Variants in NSD1 observed in about 807,000 individuals in gnomAD.
The protein encoded by NSD1 is nuclear receptor binding SET domain protein 1, also known as histone-lysine N-methyltransferase, H3 lysine-36 specific.
Under a neutral mutation model 242.7 loss-of-function variants are expected in NSD1, and 26 were observed. That is an observed-to-expected ratio of 0.11 (90% CI 0.08 to 0.15). NSD1 has a LOEUF of 0.15. Among genes scored for constraint, NSD1 ranks in the 10% least tolerant of loss-of-function variants. The pLI is 1.00. For missense variants in NSD1, 2,495 were observed against 3,272.8 expected, an observed-to-expected ratio of 0.76 and a Z score of 5.80; for synonymous variants, 1,106 against 1,178.1, an observed-to-expected ratio of 0.94 and a Z score of 1.25.
intron 9 of NSD1, among the ~76,000 whole-genome samples, chr5:177,245,961 A>AT (rs1173055368): frequency 7.4e-5 from 3 of 40,746 alleles, no homozygotes; most frequent in African/African-American, 2.4e-4. Flanking sequence ...TAATCCTTTT[A>AT]TTTTTTTTAT....
chr5:177,210,633 A>C lies in NSD1; in HGVS notation c.2234A>C (p.Asp745Ala), dbSNP rs771511701. The C allele has an allele frequency of 6.2e-7, 1 of 1,614,108 alleles. No homozygotes were observed. The highest frequency in any genetic ancestry group is 2.2e-5 in the East Asian group (1 of 44,884). ...ASTLVHKPQS[D>A]FTNDALSPKF... ...ACTCTTGTTCACAAACCCCAGTCAG[A>C]TTTTACAAATGATGCTCTCTCTCCA... Residue 745 changes from aspartate to alanine, a missense_variant, in exon 5 of 23, where the codon GAT (aspartate) becomes GCT (alanine). Physicochemically the swap from Asp to Ala is moderately radical, Grantham distance 126. Around this residue, in one of 19 missense-constraint regions of NSD1, gnomAD observed 515 missense variants for 467.0 expected, o/e 1.10. Coordinates refer to ENST00000439151, the MANE Select transcript of NSD1 (RefSeq NM_022455.5).
At chr5:177,163,673 GTGCCACA>G (rs1209802631) in intron 2 of NSD1, among the ~76,000 whole-genome samples, 2 of 152,058 alleles carry the variant, frequency 1.3e-5, no homozygotes, top group Non-Finnish European at 2.9e-5. Context: ...AATATATTCG[GTGCCACA>G]TGCCAGGCAG....
At chr5:177,260,583 A>G (rs568614731) in intron 14 of NSD1, among the ~76,000 whole-genome samples, 1 of 152,058 alleles carries the variant, frequency 6.6e-6, no homozygotes, top group Non-Finnish European at 1.5e-5. Flanking sequence ...CCTGCCCTCT[A>G]GTGATTTGCC....
chr5:177,234,498 C>G (rs1242976222), intron 5 of NSD1, among the ~76,000 whole-genome samples: 1 of 152,196 alleles, frequency 6.6e-6, no homozygotes, highest in Admixed American at 6.5e-5. Context: ...GGGCAGATCA[C>G]TTGAGGTCAG....
intron 5 of NSD1, among the ~76,000 whole-genome samples, chr5:177,222,167 C>T (rs1264959118): frequency 6.6e-6 from 1 of 151,966 alleles, no homozygotes; most frequent in African/African-American, 2.4e-5. Flanking sequence ...CTCACTCTGT[C>T]ACCCAGGCTG....
At chr5:177,141,319 CTTT>C (rs567992731) in intron 2 of NSD1, among the ~76,000 whole-genome samples, 2 of 97,034 alleles carry the variant, frequency 2.1e-5, no homozygotes, top group Admixed American at 1.1e-4. Context: ...CGCGCGCAGC[CTTT>C]TTTTTTTTTT....
intron 2 of NSD1, among the ~76,000 whole-genome samples, chr5:177,156,970 CTAAATAAA>C (rs34821534): frequency 4.0e-5 from 6 of 151,736 alleles, no homozygotes; most frequent in Admixed American, 2.0e-4. Context: ...GACTCTGTCT[CTAAATAAA>C]TAAATAAATA....
rs1383505988 is a variant in NSD1, at chr5:177,210,685, C to T, written c.2286C>T (p.Ser762=). 2 of 1,614,036 alleles carry T rather than the reference C, an allele frequency of 1.2e-6. No individual in the cohort carries two copies. Among genetic ancestry groups the T allele is most frequent in the Non-Finnish European group, 1.7e-6 (2 of 1,180,026 alleles). The change falls in exon 5 of 23, where the codon TCC becomes TCT. Residue 762 remains serine (S), a synonymous_variant. Coordinates refer to ENST00000439151, the MANE Select transcript of NSD1 (RefSeq NM_022455.5). ...SPKFNLSSSI[S]SENSLIKGGA... is the part of the protein sequence containing the mutation. ...AATTCAACCTGTCATCAAGCATATC[C>T]AGTGAGAACTCGTTAATAAAGGGTG... is the stretch of plus-strand genomic sequence containing the variant.
chr5:177,191,794 C>A, intron 2 of NSD1, 90 bp from the exon 3 acceptor site: 2 of 1,354,004 alleles, frequency 1.5e-6, no homozygotes, highest in Non-Finnish European at 2.1e-6. Context: ...ATTTTTCATA[C>A]ATTGCTTTTT....
chr5:177,176,291 C>T (rs1191759228), intron 2 of NSD1, among the ~76,000 whole-genome samples: 5 of 151,174 alleles, frequency 3.3e-5, no homozygotes, highest in East Asian at 2.0e-4. Context: ...TGGAGTTTCA[C>T]GCTTTTTGCC....
At chr5:177,265,517 ACCGTCTAG>A in intron 14 of NSD1, 1 of 716,992 alleles carries the variant, frequency 1.4e-6, no homozygotes, top group Non-Finnish European at 2.4e-6. Context: ...GAGCCCCACA[ACCGTCTAG>A]GAATGCTCAG....
rs762577876 is a variant in NSD1, at chr5:177,295,180, G to C, written c.7812G>C (p.Gly2604=). 6.2e-7 allele frequency: 1 copy of C among 1,614,216 alleles called. No individual in the cohort carries two copies. Among genetic ancestry groups the C allele is most frequent in the South Asian group, 1.1e-5 (1 of 91,086 alleles). ...GTGGGCAATCTTTTAGGTCTCTCGG[G>C]AAGGCCCCAGCCTCCCTCCCCACTG... ...AKSGQSFRSL[G]KAPASLPTEE... is the part of the protein sequence containing the mutation. Residue 2604 remains glycine, a synonymous_variant, in exon 23 of 23, where the codon GGG becomes GGC. Transcript: ENST00000439151. This position sits in a 1 kb window ranked among gnomAD's most constrained non-coding sequence, Gnocchi z 4.3.
At chr5:177,185,852 T>TTATATATTATATATTTATATAATTAA (rs1761118721) in intron 2 of NSD1, among the ~76,000 whole-genome samples, 2 of 87,518 alleles carry the variant, frequency 2.3e-5, no homozygotes, top group Admixed American at 2.0e-4. Context: ...TAAATATATA[T>TTATATATTATATATTTATATAATTAA]TATATATTAT....
chr5:177,174,663 A>G (rs1760032433), intron 2 of NSD1, among the ~76,000 whole-genome samples: 3 of 150,396 alleles, frequency 2.0e-5, no homozygotes, highest in Admixed American at 6.7e-5. Flanking sequence ...GGTTCAAGCA[A>G]TTCTTCTGCC....
At chr5:177,263,652 A>G (rs1757170866) in intron 14 of NSD1, among the ~76,000 whole-genome samples, 1 of 152,210 alleles carries the variant, frequency 6.6e-6, no homozygotes, top group Non-Finnish European at 1.5e-5. Context: ...TTGCATACTG[A>G]TGGTTATCTT....
At chr5:177,164,930 C>T (rs1278048563) in intron 2 of NSD1, among the ~76,000 whole-genome samples, 2 of 146,694 alleles carry the variant, frequency 1.4e-5, no homozygotes, top group Non-Finnish European at 3.0e-5. Flanking sequence ...GTGAGAAGAG[C>T]GAAACTCTGT....
chr5:177,182,242 AG>A (rs1760753304), intron 2 of NSD1, among the ~76,000 whole-genome samples: 2 of 152,090 alleles, frequency 1.3e-5, no homozygotes, highest in Admixed American at 1.3e-4. Flanking sequence ...GCTGGAACCC[AG>A]GAGGCAGAGG....
intron 16 of NSD1, among the ~76,000 whole-genome samples, chr5:177,270,592 A>G (rs1362947439): frequency 2.0e-5 from 3 of 152,248 alleles, no homozygotes; most frequent in Admixed American, 1.3e-4. Flanking sequence ...CAGCTTTATG[A>G]TGATGCACTT....
chr5:177,256,969 T>G lies in NSD1; in HGVS notation c.4784T>G (p.Val1595Gly). The G allele has an allele frequency of 6.2e-7, 1 of 1,614,092 alleles. No homozygotes were observed. The highest frequency in any genetic ancestry group is 8.5e-7 in the Non-Finnish European group (1 of 1,179,944). Residue 1595 changes from valine to glycine, a missense_variant, in exon 13 of 23, where the codon GTA (valine) becomes GGA (glycine). By Grantham distance (109) the Val-to-Gly change is moderately radical. Transcript: ENST00000439151. ...TTCTCAGGAATCCATACCTGTTTTG[T>G]ATGTAAGCAGAGTGGGGAAGATGTT... ...ECRTGIHTCF[V>G]CKQSGEDVKR...
Sources: gnomAD v4.1 joint callset for allele counts (sites outside exome capture counted in the v4.1 genomes callset) on GRCh38, gnomAD v4.1.1 for gene constraint, gnomAD v4.1.1 regional missense constraint, Gnocchi (gnomAD v3.1) non-coding constraint, MANE v1.5 for transcripts, NCBI Gene and HGNC (gene_info 2026-07-23, HGNC 2026-07-21) for gene names.